The following STARD3 variants were observed in gnomAD, a reference collection of about 807,000 sequenced individuals.
STARD3 encodes StAR related lipid transfer domain containing 3.
A neutral mutation model predicts 62.0 loss-of-function variants in STARD3; 39 were observed. That is an observed-to-expected ratio of 0.63 (90% CI 0.49 to 0.82). The LOEUF (loss-of-function observed/expected upper bound fraction) is 0.82. Ranked by LOEUF, STARD3 falls within the 40% of genes least tolerant of loss-of-function variation. The pLI, the probability that STARD3 is intolerant of heterozygous loss-of-function variation, is 0.00. For missense variants in STARD3, 543 were observed against 584.5 expected (o/e 0.93, Z 0.73); for synonymous variants, 229 against 242.4 (o/e 0.94, Z 0.51).
rs752424830 is a variant in STARD3 at position 39,658,745 on chromosome 17, GT to G, written c.573del (p.Ala192ProfsTer94). The G allele has an allele frequency of 3.7e-6, 6 of 1,613,994 alleles. No individual in the cohort carries two copies. The highest frequency in any genetic ancestry group is 5.1e-6 in the Non-Finnish European group (6 of 1,179,990). ...AGGGTATCTTGCCGCCCAGGTTGCT[GT>G]TGCCCGTGGACCCCTGCTGTTCTCC... ...ERWYLAAQVA[V>X]ARGPLLFSGA... On this transcript the variant is annotated frameshift_variant, in exon 7 of 15. Transcript: ENST00000336308. LOFTEE classifies it high-confidence loss of function.
intron 1 of STARD3, among the ~76,000 whole-genome samples, chr17:39,652,208 A>G (rs927548159): frequency 6.6e-6 from 1 of 151,672 alleles, no homozygotes; most frequent in Non-Finnish European, 1.5e-5. Context: ...GCTGCTTCCT[A>G]CTCTCTTTAG....
chr17:39,662,300 C>T lies in STARD3; in HGVS notation c.1189C>T (p.Pro397Ser), dbSNP rs2057208846. The T allele has an allele frequency of 2.5e-6, 4 of 1,614,026 alleles. No individual in the cohort carries two copies. Among genetic ancestry groups the T allele is most frequent in the Non-Finnish European group, 3.4e-6 (4 of 1,179,976 alleles). The change falls in exon 14 of 15, where the codon CCC becomes TCC. Residue 397 changes from proline to serine, a missense_variant. By Grantham distance (74) the Pro-to-Ser change is moderately conservative. Transcript: ENST00000336308. ...GFIVLKSASN[P>S]RVCTFVWILN... ...CATCGTGCTCAAGTCGGCCAGTAAC[C>T]CCCGTGTTTGCACCTTTGTCTGGAT...
rs917823690 is a variant in STARD3, at chr17:39,639,274, TG to T, written c.-52+2048del. ...AATAAAATGCTGGAGTGGAGGACAC[TG>T]GGGGCAGGGTCTGGATTTATTGAGT... On this transcript the variant is annotated intron_variant, in intron 1 of 14. Transcript: ENST00000336308. Among the ~76,000 whole-genome samples, 10 of 152,278 alleles carry T rather than the reference TG, an allele frequency of 6.6e-5. No individual in the cohort carries two copies. The East Asian group carries it at 1.9e-3, about 29-fold the overall frequency.
intron 1 of STARD3, among the ~76,000 whole-genome samples, chr17:39,641,656 G>A (rs1340131453): frequency 6.6e-6 from 1 of 152,178 alleles, no homozygotes; most frequent in East Asian, 1.9e-4. Flanking sequence ...TGCATGTGTT[G>A]TTTCTAATCC....
Position 39,663,686 on chromosome 17 carries a change from A to T in STARD3, c.*778A>T, listed in dbSNP as rs2057228079. Among the ~76,000 whole-genome samples the T allele has an allele frequency of 7.4e-6, 1 of 136,034 alleles. No individual in the cohort carries two copies. Among genetic ancestry groups the T allele is most frequent in the Non-Finnish European group, 1.6e-5 (1 of 64,078 alleles). The allele number at this position is 136,034 out of a possible 152,430, so 89.2% of individuals were successfully genotyped here. A position where few individuals can be genotyped will look rare whatever the true frequency, so the allele number is the denominator to read the frequency against. ...TTTCCTGACCAGTTCAACTGAGCAG[A>T]TGACTGGTCAGAAAAAAATGCCCCG... On this transcript the variant is annotated 3_prime_UTR_variant, in exon 15 of 15. Transcript: ENST00000336308.
At chr17:39,659,243 C>T in intron 8 of STARD3, 137 bp downstream of exon 8, 1 of 1,188,312 alleles carries the variant, frequency 8.4e-7, no homozygotes, top group Non-Finnish European at 1.2e-6. Flanking sequence ...AGTGTCTCCC[C>T]CACCACCAGT....
In STARD3 at chr17:39,663,437, C is replaced by T; in HGVS notation, c.*529C>T. On this transcript the variant is annotated 3_prime_UTR_variant, in exon 15 of 15. Coordinates refer to ENST00000336308, the MANE Select transcript of STARD3 (RefSeq NM_006804.4). ...CCTCCTCCCAGGGCCTCCTGGGGGA[C>T]CTTTGTATTAAGCCAATTAAAAACA... is the stretch of plus-strand genomic sequence containing the variant. 2 of 217,478 alleles carry T rather than the reference C, an allele frequency of 9.2e-6. No homozygotes were observed. Among genetic ancestry groups the T allele is most frequent in the Non-Finnish European group, 1.8e-5 (2 of 111,318 alleles). The allele number at this position is 217,478 out of a possible 1,614,324, so 13.5% of individuals were successfully genotyped here. A position where few individuals can be genotyped will look rare whatever the true frequency, so the allele number is the denominator to read the frequency against.
chr17:39,638,121 C>T lies in STARD3; in HGVS notation c.-52+890C>T, dbSNP rs568644858. On this transcript the variant is annotated intron_variant, in intron 1 of 14. Coordinates refer to ENST00000336308, the MANE Select transcript of STARD3 (RefSeq NM_006804.4). The stretch of plus-strand genomic sequence containing the variant: ...TTTCCTTACACTTTCTCCTCTCTTT[C>T]AAGTCCCACATCTTAAAAGTGACCT... Among the ~76,000 whole-genome samples, 8 of 152,326 alleles carry T rather than the reference C, an allele frequency of 5.3e-5. No homozygotes were observed. In the East Asian group the frequency reaches 1.5e-3, roughly 29 times the overall value.
intron 1 of STARD3, 116 bp downstream of exon 1, chr17:39,637,347 C>G (rs1315837760): frequency 6.6e-6 from 1 of 152,334 alleles, no homozygotes; most frequent in African/African-American, 2.4e-5. Flanking sequence ...TTCCCACACC[C>G]GCTGCGTCTC....
At chr17:39,641,277 GC>G (rs2056980836) in intron 1 of STARD3, among the ~76,000 whole-genome samples, 1 of 152,132 alleles carries the variant, frequency 6.6e-6, no homozygotes, top group African/African-American at 2.4e-5. Flanking sequence ...GACCTCAAGG[GC>G]TTAGGACAGA....
chr17:39,652,086 C>T (rs2057083395), intron 1 of STARD3, among the ~76,000 whole-genome samples: 1 of 152,084 alleles, frequency 6.6e-6, no homozygotes, highest in African/African-American at 2.4e-5. Context: ...CCTTGGTTGT[C>T]GTATCTGTAA....
At position 39,660,182 on chromosome 17, in the gene STARD3, C is replaced by CTCCCTGCCACCTTCTG; in HGVS notation, c.796-19_796-4dup. ...CAGCCCACCCCCTGCCTCCACTCTC[C>CTCCCTGCCACCTTCTG]TCCCTGCCACCTTCTGTCCCTGCCA... is the stretch of plus-strand genomic sequence containing the variant. On this transcript the variant is annotated intron_variant, in intron 9 of 14. Coordinates refer to ENST00000336308, the MANE Select transcript of STARD3 (RefSeq NM_006804.4). The surrounding 1 kb of genome is among the most constrained non-coding windows in gnomAD (Gnocchi z 4.8). The CTCCCTGCCACCTTCTG allele has an allele frequency of 6.2e-7, 1 of 1,613,518 alleles. No individual in the cohort carries two copies. The highest frequency in any genetic ancestry group is 8.5e-7 in the Non-Finnish European group (1 of 1,179,584).
At chr17:39,649,587 C>T (rs2057057437) in intron 1 of STARD3, among the ~76,000 whole-genome samples, 1 of 152,216 alleles carries the variant, frequency 6.6e-6, no homozygotes, top group South Asian at 2.1e-4. Flanking sequence ...AAATATAAGG[C>T]TGAGCGTGGT....
chr17:39,650,682 C>T (rs954908807), intron 1 of STARD3, among the ~76,000 whole-genome samples: 4 of 152,092 alleles, frequency 2.6e-5, no homozygotes, highest in Non-Finnish European at 4.4e-5. Context: ...GGTGTGGTGG[C>T]GGGCGCCTGT....
chr17:39,660,534 C>A lies in STARD3; in HGVS notation c.954+8C>A, dbSNP rs2057184995. 1 of 1,613,676 alleles carries A rather than the reference C, an allele frequency of 6.2e-7. No individual in the cohort carries two copies. Among genetic ancestry groups the A allele is most frequent in the Non-Finnish European group, 8.5e-7 (1 of 1,179,998 alleles). ...ACAGTGACTGCCTGCCAGGTGAGCC[C>A]AGTCTGGCTGCCTCTTAAGGCACAG... On this transcript the variant is annotated splice_region_variant and intron_variant, in intron 11 of 14. Coordinates refer to ENST00000336308, the MANE Select transcript of STARD3 (RefSeq NM_006804.4). This position sits in a 1 kb window ranked among gnomAD's most constrained non-coding sequence, Gnocchi z 4.8.
At chr17:39,657,248 G>A (rs1208040674) in intron 3 of STARD3, among the ~76,000 whole-genome samples, 163 bp downstream of exon 3, 1 of 152,134 alleles carries the variant, frequency 6.6e-6, no homozygotes, top group South Asian at 2.1e-4. Flanking sequence ...CCACAAGGCT[G>A]GGCGCAGTGG....
At chr17:39,662,161 C>G in intron 13 of STARD3, 90 bp from the exon 14 acceptor site, 1 of 1,204,572 alleles carries the variant, frequency 8.3e-7, no homozygotes, top group Non-Finnish European at 1.2e-6. Context: ...CCAGCTGGGC[C>G]AAGAATGGAG....
At position 39,657,833 on chromosome 17, in the gene STARD3, G is replaced by T; in HGVS notation, c.356G>T (p.Arg119Leu). The change falls in exon 4 of 15, where the codon CGG becomes CTG. Residue 119 changes from arginine to leucine, a missense_variant. Transcript: ENST00000336308. The stretch of plus-strand genomic sequence containing the variant: ...CTAGGCTATGCCGTGCTGCGGCTCC[G>T]GCACTGGTGGGTGATTGCGGTAAGA... ...LLLGYAVLRLRHWWVIAVTTL... is the reference protein window; with the variant it reads ...LLLGYAVLRLLHWWVIAVTTL... 1 of 1,614,188 alleles carries T rather than the reference G, an allele frequency of 6.2e-7. No homozygotes were observed. The highest frequency in any genetic ancestry group is 1.1e-5 in the South Asian group (1 of 91,076).
At chr17:39,654,754 C>G (rs73294095) in intron 2 of STARD3, among the ~76,000 whole-genome samples, 7,946 of 152,350 alleles carry the variant, frequency 0.052, 269 homozygotes, top group African/African-American at 0.072. Flanking sequence ...CCCCATCAGA[C>G]TTCCGGATGG....
Sources: allele counts gnomAD v4.1 joint callset (sites outside exome capture counted in the v4.1 genomes callset), GRCh38; gene constraint gnomAD v4.1.1; non-coding constraint Gnocchi (gnomAD v3.1); transcripts MANE v1.5; gene names NCBI Gene and HGNC (gene_info 2026-07-23, HGNC 2026-07-21).